CNGB3: variants seen among roughly 807,000 people sequenced by gnomAD.
The protein encoded by CNGB3 is cyclic nucleotide-gated channel beta-3.
CNGB3 carries 86 observed loss-of-function variants against 92.8 expected under a neutral mutation model. The ratio of observed to expected loss-of-function variants is 0.93; its 90% CI spans 0.78 to 1.11. CNGB3 has a LOEUF of 1.11. CNGB3 is among the 50% of genes least tolerant of loss of function. The pLI, the probability that CNGB3 is intolerant of heterozygous loss-of-function variation, is 0.00. For synonymous variants in CNGB3, 333 were observed against 332.7 expected (o/e 1.00, Z -0.01); for missense variants, 1,026 against 956.8 (o/e 1.07, Z -0.95).
rs763293511 is a variant in CNGB3, at chr8:86,667,136, G to A, written c.644-3C>T. ...GAGCCACAGGAGATAGAGTCGATCT[G>A]GAAAAACAGCAAGTGGTGAAATCCA... On this transcript the variant is annotated splice_polypyrimidine_tract_variant and splice_region_variant and intron_variant, in intron 5 of 17. Coordinates refer to ENST00000320005, the MANE Select transcript of CNGB3 (RefSeq NM_019098.5). 2.9e-5 allele frequency: 46 copies of A among 1,612,714 alleles called. No homozygotes were observed. Among genetic ancestry groups the A allele is most frequent in the Non-Finnish European group, 3.8e-5 (45 of 1,179,082 alleles).
intron 3 of CNGB3, among the ~76,000 whole-genome samples, chr8:86,682,467 CAG>C (rs577972939): frequency 1.4e-3 from 214 of 152,264 alleles, no homozygotes; most frequent in African/African-American, 4.7e-3. Context: ...GCCAGTTTGA[CAG>C]GGGGATTGTA....
intron 13 of CNGB3, among the ~76,000 whole-genome samples, chr8:86,615,681 C>G (rs1822606383): frequency 6.6e-6 from 1 of 151,954 alleles, no homozygotes; most frequent in Non-Finnish European, 1.5e-5. Context: ...TGATTAAACT[C>G]AACCAATAGT....
At chr8:86,678,318 A>G (rs1415792147) in intron 3 of CNGB3, among the ~76,000 whole-genome samples, 2 of 152,186 alleles carry the variant, frequency 1.3e-5, no homozygotes, top group Non-Finnish European at 2.9e-5. Flanking sequence ...AAGCCTATAC[A>G]TTTTAGGCAA....
chr8:86,669,143 G>A (rs1823807353), intron 4 of CNGB3, among the ~76,000 whole-genome samples: 1 of 152,032 alleles, frequency 6.6e-6, no homozygotes, highest in African/African-American at 2.4e-5. Context: ...AATATTACAG[G>A]AAATAAATTT....
intron 3 of CNGB3, among the ~76,000 whole-genome samples, chr8:86,720,276 G>T (rs57838358): frequency 0.063 from 9,545 of 151,946 alleles, 394 homozygotes; most frequent in East Asian, 0.13. Context: ...TCCAGAATCT[G>T]CAAGGAACTC....
At position 86,586,141 on chromosome 8, in the gene CNGB3, G is replaced by A. The variant is rs80089987; in HGVS notation, c.1782-6889C>T. Among the ~76,000 whole-genome samples the A allele has an allele frequency of 6.6e-3, 1,010 of 152,124 alleles. 7 individuals are homozygous for A. The highest frequency in any genetic ancestry group is 0.023 in the African/African-American group (957 of 41,494). ...AGAAAAGGAAAAAGATAAATTAGGA[G>A]TACATAGAAATAGCATACTCTACAA... On this transcript the variant is annotated intron_variant, in intron 15 of 17. Coordinates refer to ENST00000320005, the MANE Select transcript of CNGB3 (RefSeq NM_019098.5).
Position 86,575,071 on chromosome 8 carries a change from G to C in CNGB3, c.*733C>G, listed in dbSNP as rs1821634080. On this transcript the variant is annotated 3_prime_UTR_variant, in exon 18 of 18. Transcript: ENST00000320005. ...TGAGCCAGATGAGTTAGGTAGATTG[G>C]TGTCTTTTAAGTTGGTTAGAAGAGA... is the stretch of plus-strand genomic sequence containing the variant. 2 of 152,190 alleles carry C rather than the reference G, an allele frequency of 1.3e-5. No individual in the cohort carries two copies. The highest frequency in any genetic ancestry group is 1.3e-4 in the Admixed American group (2 of 15,276). 9.4% of individuals were successfully genotyped at this position (152,190 alleles called of 1,614,324 possible).
At chr8:86,736,768 C>T (rs575815744) in intron 2 of CNGB3, among the ~76,000 whole-genome samples, 9 of 151,706 alleles carry the variant, frequency 5.9e-5, no homozygotes, top group African/African-American at 1.9e-4. Context: ...AAAGGCAAGA[C>T]CACATTTTTT....
At chr8:86,628,850 G>A in intron 12 of CNGB3, 69 bp downstream of exon 12, 1 of 1,529,788 alleles carries the variant, frequency 6.5e-7, no homozygotes, top group Non-Finnish European at 9.1e-7. Flanking sequence ...ACTAGTCTCT[G>A]CTACCTTACA....
chr8:86,649,723 C>G (rs915087540), intron 7 of CNGB3, among the ~76,000 whole-genome samples: 6 of 151,716 alleles, frequency 4.0e-5, no homozygotes, highest in African/African-American at 1.5e-4. Context: ...AAAAACTCTT[C>G]TGGACATTGG....
intron 15 of CNGB3, among the ~76,000 whole-genome samples, chr8:86,580,194 G>GGC (rs367811499): frequency 6.6e-6 from 1 of 150,712 alleles, no homozygotes; most frequent in African/African-American, 2.5e-5. Flanking sequence ...ATAGCACGGG[G>GGC]GGGGTGGCGG....
intron 7 of CNGB3, among the ~76,000 whole-genome samples, chr8:86,650,702 G>A (rs2131600131): frequency 6.6e-6 from 1 of 151,678 alleles, no homozygotes; most frequent in African/African-American, 2.4e-5. Context: ...GAGTGTGTAT[G>A]CACTGCTGGT....
intron 1 of CNGB3, among the ~76,000 whole-genome samples, chr8:86,741,312 C>A (rs67825168): frequency 0.065 from 9,914 of 152,050 alleles, 424 homozygotes; most frequent in East Asian, 0.13. Flanking sequence ...CTATTTTTTC[C>A]CATACCCACA....
At chr8:86,661,775 T>C in intron 6 of CNGB3, 1 of 1,589,224 alleles carries the variant, frequency 6.3e-7, no homozygotes, top group Non-Finnish European at 8.6e-7. Flanking sequence ...GGTTATATAA[T>C]CTGCAGAGTT....
At chr8:86,662,874 C>T (rs1823670820) in intron 6 of CNGB3, among the ~76,000 whole-genome samples, 1 of 152,116 alleles carries the variant, frequency 6.6e-6, no homozygotes, top group African/African-American at 2.4e-5. Flanking sequence ...AGCCAAGGAC[C>T]CTGTCTTTAG....
In CNGB3 at chr8:86,647,844, A is replaced by G. The variant is rs1314228426; in HGVS notation, c.947T>C (p.Phe316Ser). The G allele has an allele frequency of 6.3e-7, 1 of 1,596,978 alleles. No homozygotes were observed. Among genetic ancestry groups the G allele is most frequent in the Admixed American group, 1.7e-5 (1 of 59,732 alleles). ...SIIPFDICYL[F>S]FGFNPMFRAN... ...TCTAAACATTGGATTAAACCCAAAGAAGAGGTAGCAAATATCAAATGGTAT... is the reference window on the plus strand; with the variant it reads ...TCTAAACATTGGATTAAACCCAAAGGAGAGGTAGCAAATATCAAATGGTAT... Residue 316 changes from phenylalanine to serine, a missense_variant, in exon 8 of 18, where the codon TTC becomes TCC. Phe to Ser is a radical substitution (Grantham distance 155). Coordinates refer to ENST00000320005, the MANE Select transcript of CNGB3 (RefSeq NM_019098.5).
chr8:86,608,100 T>C (rs1822447226), intron 14 of CNGB3, among the ~76,000 whole-genome samples: 1 of 152,194 alleles, frequency 6.6e-6, no homozygotes, highest in Non-Finnish European at 1.5e-5. Context: ...TATAATAAAA[T>C]ATAAAATAAG....
chr8:86,613,828 A>T (rs1822563486), intron 13 of CNGB3, among the ~76,000 whole-genome samples: 1 of 149,836 alleles, frequency 6.7e-6, no homozygotes, highest in Non-Finnish European at 1.5e-5. Flanking sequence ...AATATTAGTG[A>T]TTTTAAATAT....
At chr8:86,691,777 G>A (rs1345983780) in intron 3 of CNGB3, among the ~76,000 whole-genome samples, 1 of 151,990 alleles carries the variant, frequency 6.6e-6, no homozygotes, top group Non-Finnish European at 1.5e-5. Flanking sequence ...TTGTGGGTTG[G>A]TTTGTTTTTG....
Sources: allele counts gnomAD v4.1 joint callset (sites outside exome capture counted in the v4.1 genomes callset), GRCh38; gene constraint gnomAD v4.1.1; transcripts MANE v1.5; gene names NCBI Gene and HGNC (gene_info 2026-07-23, HGNC 2026-07-21).